The following PCDHGA7 variants were observed in gnomAD, a reference collection of about 807,000 sequenced individuals.
The protein encoded by PCDHGA7 is protocadherin gamma-A7.
PCDHGA7 carries 44 observed loss-of-function variants against 58.3 expected under a neutral mutation model. That is an observed-to-expected ratio of 0.75 (90% confidence interval 0.59 to 0.97). PCDHGA7 has a LOEUF of 0.97. Among genes scored for constraint, PCDHGA7 ranks in the 50% least tolerant of loss-of-function variants. The pLI, the probability that PCDHGA7 is intolerant of heterozygous loss-of-function variation, is 0.00. For synonymous variants in PCDHGA7, 516 were observed against 504.2 expected (o/e 1.02, Z -0.31); for missense variants, 1,266 against 1,188.7 (o/e 1.06, Z -0.96).
At chr5:141,403,208 A>T (rs763459005) in intron 1 of PCDHGA7, 2 of 1,613,962 alleles carry the variant, frequency 1.2e-6, no homozygotes, top group Non-Finnish European at 1.7e-6. Flanking sequence ...CACCTTGGTC[A>T]CCGCGGGTAG....
chr5:141,420,067 A>G (rs2096463342), intron 1 of PCDHGA7: 2 of 1,614,034 alleles, frequency 1.2e-6, no homozygotes, highest in East Asian at 2.2e-5. Flanking sequence ...CCAAGTCCGG[A>G]CCTGTGGGTC....
At chr5:141,414,446 T>C in intron 1 of PCDHGA7, 1 of 1,613,864 alleles carries the variant, frequency 6.2e-7, no homozygotes, top group Non-Finnish European at 8.5e-7. Flanking sequence ...TCTTACAATA[T>C]CACAGTGACA....
rs2096205933 is a variant in PCDHGA7, at chr5:141,417,998, G to C, written c.2424+32675G>C. ...GGAGGAGCTGGCCAAGGGCTCGGTGGTGGGGAACCTCGCTAAGGATCTAGG... is the reference window on the plus strand; with the variant it reads ...GGAGGAGCTGGCCAAGGGCTCGGTGCTGGGGAACCTCGCTAAGGATCTAGG... On this transcript the variant is annotated intron_variant, in intron 1 of 3. Transcript: ENST00000518325. The C allele has an allele frequency of 1.9e-6, 3 of 1,613,928 alleles. No individual in the cohort carries two copies. The East Asian group carries it at 6.7e-5, about 36-fold the overall frequency.
Position 141,487,591 on chromosome 5 carries a change from C to G in PCDHGA7, c.2425-7216C>G, listed in dbSNP as rs2099653282. The G allele has an allele frequency of 1.2e-6, 2 of 1,614,176 alleles. No individual in the cohort carries two copies. The highest frequency in any genetic ancestry group is 1.7e-6 in the Non-Finnish European group (2 of 1,180,036). ...AGCCTGTTCGCCCAAGCTGCCCACC[C>G]TCTGATCTTCTCTATGGGCTAGAGG... is the stretch of plus-strand genomic sequence containing the variant. On this transcript the variant is annotated intron_variant, in intron 1 of 3. Coordinates refer to ENST00000518325, the MANE Select transcript of PCDHGA7 (RefSeq NM_018920.4). The surrounding 1 kb of genome is among the most constrained non-coding windows in gnomAD (Gnocchi z 5.0).
intron 1 of PCDHGA7, among the ~76,000 whole-genome samples, chr5:141,444,152 ATTTTTTTTTTTTTTT>A (rs747671382): frequency 3.8e-4 from 13 of 33,894 alleles, no homozygotes; most frequent in East Asian, 1.0e-3. Context: ...TGTGTACTGG[ATTTTTTTTTTTTTTT>A]TTTTTTTTTT....
In PCDHGA7 at chr5:141,489,242, TG is replaced by T; in HGVS notation, c.2425-5561del. 6.5e-7 allele frequency: 1 copy of T among 1,534,498 alleles called. No homozygotes were observed. The highest frequency in any genetic ancestry group is 2.3e-5 in the East Asian group (1 of 44,312). On this transcript the variant is annotated intron_variant, in intron 1 of 3. Transcript: ENST00000518325. The surrounding 1 kb of genome is among the most constrained non-coding windows in gnomAD (Gnocchi z 4.5). ...TCTCCACAAAGGGACTTCTGGGTCA[TG>T]GGGCCCAAGACACTCCCACAGCTCG...
intron 1 of PCDHGA7, chr5:141,399,615 A>G (rs756068630): frequency 1.2e-6 from 2 of 1,613,942 alleles, no homozygotes; most frequent in South Asian, 1.1e-5. Context: ...AGCCTCTGGC[A>G]CTGGCCTCTT....
rs531855306 is a variant in PCDHGA7 at position 141,422,110 on chromosome 5, T to C, written c.2424+36787T>C. 230 of 1,606,626 alleles carry C rather than the reference T, an allele frequency of 1.4e-4. 6 individuals carry two copies. The South Asian group carries it at 2.5e-3, about 17-fold the overall frequency. On this transcript the variant is annotated intron_variant, in intron 1 of 3. Coordinates refer to ENST00000518325, the MANE Select transcript of PCDHGA7 (RefSeq NM_018920.4). The stretch of plus-strand genomic sequence containing the variant: ...AAGCAAGGCTTCTGAAATATTCCAA[T>C]TGGATTCACAAACTGGAGAAGTTCA...
intron 1 of PCDHGA7, chr5:141,399,869 G>A: frequency 1.2e-6 from 2 of 1,612,822 alleles, no homozygotes; most frequent in Non-Finnish European, 8.5e-7. Context: ...GCAGAGCCCG[G>A]CTACCTGGTG....
intron 2 of PCDHGA7, among the ~76,000 whole-genome samples, chr5:141,495,720 G>A (rs1048453188): frequency 2.6e-5 from 4 of 152,080 alleles, no homozygotes; most frequent in Non-Finnish European, 5.9e-5. Context: ...GTAACTACAC[G>A]GGACCCTTAG....
Position 141,489,948 on chromosome 5 carries a change from T to G in PCDHGA7, c.2425-4859T>G. The G allele has an allele frequency of 6.2e-7, 1 of 1,614,210 alleles. No homozygotes were observed. Among genetic ancestry groups the G allele is most frequent in the Non-Finnish European group, 8.5e-7 (1 of 1,180,030 alleles). ...TCTCTGTCATCGTGCTGGACATCAA[T>G]GATAATGCTCCAACCTTCCAATCCT... On this transcript the variant is annotated intron_variant, in intron 1 of 3. Transcript: ENST00000518325. The surrounding 1 kb of genome is among the most constrained non-coding windows in gnomAD (Gnocchi z 4.5).
intron 1 of PCDHGA7, chr5:141,426,340 C>A: frequency 5.3e-6 from 1 of 190,288 alleles, no homozygotes; most frequent in Non-Finnish European, 1.1e-5. Flanking sequence ...AGCACTCTTC[C>A]CTTTCCTGCT....
Position 141,512,270 on chromosome 5 carries a change from G to C in PCDHGA7, c.*1097G>C, listed in dbSNP as rs1188941232. On this transcript the variant is annotated 3_prime_UTR_variant, in exon 4 of 4. Transcript: ENST00000518325. ...TCTGTGGGTGCTGGGTACTCCAGAG[G>C]TGCCACTGGTGGAAGGGTCAGCGGA... 6.5e-6 allele frequency: 1 copy of C among 152,714 alleles called. No homozygotes were observed. The highest frequency in any genetic ancestry group is 2.4e-5 in the African/African-American group (1 of 41,452). The allele number at this position is 152,714 out of a possible 1,614,324, so 9.5% of individuals were successfully genotyped here. A position where few individuals can be genotyped will look rare whatever the true frequency, so the allele number is the denominator to read the frequency against.
chr5:141,413,881 G>C (rs774026375), intron 1 of PCDHGA7: 5 of 1,613,400 alleles, frequency 3.1e-6, no homozygotes, highest in Non-Finnish European at 4.2e-6. Context: ...CAGTGTGACT[G>C]TCTTCGATGC....
At position 141,430,782 on chromosome 5, in the gene PCDHGA7, G is replaced by C. The variant is rs1220976669; in HGVS notation, c.2424+45459G>C. 2.0e-6 allele frequency: 3 copies of C among 1,510,858 alleles called. No individual in the cohort carries two copies. The East Asian group carries it at 6.9e-5, about 35-fold the overall frequency. 93.6% of individuals were successfully genotyped at this position (1,510,858 alleles called of 1,614,324 possible). A position where few individuals can be genotyped will look rare whatever the true frequency, so the allele number is the denominator to read the frequency against. ...AGAATGATTCCTGCGCGACTGCACC[G>C]GGACTACAAAGGGCTTGTCCTGCTG... On this transcript the variant is annotated intron_variant, in intron 1 of 3. Coordinates refer to ENST00000518325, the MANE Select transcript of PCDHGA7 (RefSeq NM_018920.4).
rs561451935 is a variant in PCDHGA7 at position 141,423,179 on chromosome 5, G to A, written c.2424+37856G>A. 21 of 1,613,516 alleles carry A rather than the reference G, an allele frequency of 1.3e-5. No individual in the cohort carries two copies. The South Asian group carries it at 2.1e-4, about 16-fold the overall frequency. ...CTCGTGGTGGCCGTCCAGGACCACG[G>A]CCAGCCCCCTCTCTCGGCCACCGTC... On this transcript the variant is annotated intron_variant, in intron 1 of 3. Transcript: ENST00000518325.
At chr5:141,421,469 G>A in intron 1 of PCDHGA7, 1 of 1,614,122 alleles carries the variant, frequency 6.2e-7, no homozygotes, top group Non-Finnish European at 8.5e-7. Flanking sequence ...GTGAATCCGC[G>A]AAGCGGCAGC....
intron 1 of PCDHGA7, chr5:141,410,847 G>GTTTTTT (rs773839667): frequency 6.3e-5 from 10 of 158,328 alleles, no homozygotes; most frequent in Admixed American, 1.8e-4. Flanking sequence ...TTTTGTCTTT[G>GTTTTTT]TCTTTTTTTT....
intron 1 of PCDHGA7, among the ~76,000 whole-genome samples, chr5:141,445,787 T>C (rs2098477657): frequency 1.3e-5 from 2 of 152,182 alleles, no homozygotes; most frequent in South Asian, 4.1e-4. Context: ...CTAGGGAGGC[T>C]AGAAACAGAA....
Sources: gnomAD v4.1 joint callset for allele counts (sites outside exome capture counted in the v4.1 genomes callset) on GRCh38, gnomAD v4.1.1 for gene constraint, Gnocchi (gnomAD v3.1) non-coding constraint, MANE v1.5 for transcripts, NCBI Gene and HGNC (gene_info 2026-07-23, HGNC 2026-07-21) for gene names.